The following THSD7B variants were observed in gnomAD, a reference collection of about 807,000 sequenced individuals.
THSD7B encodes thrombospondin type 1 domain containing 7B, also known as thrombospondin type-1 domain-containing protein 7B.
In THSD7B, 138 loss-of-function variants were observed where a neutral mutation model predicts 213.6. That is an observed-to-expected ratio of 0.65 (90% CI 0.56 to 0.74). The LOEUF (loss-of-function observed/expected upper bound fraction) is 0.74. THSD7B is among the 30% of genes least tolerant of loss of function. The pLI is 0.00. For missense variants in THSD7B, 1,931 were observed against 1,991.5 expected, an observed-to-expected ratio of 0.97 and a Z score of 0.58; for synonymous variants, 742 against 687.0, an observed-to-expected ratio of 1.08 and a Z score of -1.25.
intron 2 of THSD7B, among the ~76,000 whole-genome samples, chr2:137,041,320 A>G (rs1034915177): frequency 3.3e-5 from 5 of 152,204 alleles, no homozygotes; most frequent in Middle Eastern, 3.2e-3. Flanking sequence ...TGGGATGAGC[A>G]TAAGGGGTGC....
intron 12 of THSD7B, among the ~76,000 whole-genome samples, chr2:137,327,224 C>T (rs1684393503): frequency 6.6e-6 from 1 of 152,140 alleles, no homozygotes; most frequent in Non-Finnish European, 1.5e-5. Context: ...TCTGGTAAGC[C>T]TAGGCCACTG....
intron 26 of THSD7B, among the ~76,000 whole-genome samples, chr2:137,666,266 T>A (rs748947076): frequency 1.1e-4 from 16 of 152,016 alleles, no homozygotes; most frequent in Non-Finnish European, 2.1e-4. Flanking sequence ...AGGAGCATTC[T>A]CACTCAGGAA....
chr2:137,586,033 A>G (rs1681717500), intron 17 of THSD7B, among the ~76,000 whole-genome samples: 1 of 140,670 alleles, frequency 7.1e-6, no homozygotes. Context: ...TATTGGGTGC[A>G]TTATATTTAG....
At chr2:136,954,086 T>C (rs1192779119) in intron 2 of THSD7B, among the ~76,000 whole-genome samples, 2 of 152,196 alleles carry the variant, frequency 1.3e-5, no homozygotes, top group Non-Finnish European at 2.9e-5. Flanking sequence ...GCTGAGAACA[T>C]GGGCAGGATC....
At chr2:137,233,465 G>A (rs956294365) in intron 9 of THSD7B, among the ~76,000 whole-genome samples, 1 of 152,050 alleles carries the variant, frequency 6.6e-6, no homozygotes, top group African/African-American at 2.4e-5. Context: ...ACATAAAGAC[G>A]AGGTCAACAT....
chr2:137,450,539 G>C (rs540785224), intron 14 of THSD7B, among the ~76,000 whole-genome samples: 10 of 152,226 alleles, frequency 6.6e-5, no homozygotes, highest in African/African-American at 2.2e-4. Flanking sequence ...CCTAGTGAGG[G>C]GAGATGGCTC....
intron 3 of THSD7B, among the ~76,000 whole-genome samples, chr2:137,089,495 T>G (rs1343952519): frequency 6.6e-6 from 1 of 151,582 alleles, no homozygotes; most frequent in East Asian, 1.9e-4. Context: ...AGGAATGAAT[T>G]AATGGCATTC....
chr2:136,857,781 T>C (rs1683198811), intron 1 of THSD7B, among the ~76,000 whole-genome samples: 1 of 152,222 alleles, frequency 6.6e-6, no homozygotes, highest in Non-Finnish European at 1.5e-5. Flanking sequence ...AATAATTGCA[T>C]TTTTAAATAA....
At chr2:137,674,228 A>T (rs1334317874) in intron 27 of THSD7B, among the ~76,000 whole-genome samples, 5 of 152,184 alleles carry the variant, frequency 3.3e-5, no homozygotes, top group Admixed American at 3.3e-4. Context: ...GCAAATGCCC[A>T]TTAAAGGTAG....
intron 15 of THSD7B, among the ~76,000 whole-genome samples, chr2:137,516,646 T>G (rs944886590): frequency 6.6e-6 from 1 of 152,190 alleles, no homozygotes; most frequent in Non-Finnish European, 1.5e-5. Flanking sequence ...TGACTTACAG[T>G]GGCTCCAGTG....
chr2:137,570,845 C>A (rs1293677325), intron 16 of THSD7B, among the ~76,000 whole-genome samples: 1 of 152,148 alleles, frequency 6.6e-6, no homozygotes, highest in Non-Finnish European at 1.5e-5. Flanking sequence ...ATGTAGCAAG[C>A]TATCAAAAAT....
At chr2:136,840,150 G>A (rs899201946) in intron 1 of THSD7B, among the ~76,000 whole-genome samples, 2 of 152,038 alleles carry the variant, frequency 1.3e-5, no homozygotes, top group African/African-American at 2.4e-5. Flanking sequence ...AGGCTGAGGC[G>A]GGCAGATCAC....
intron 1 of THSD7B, among the ~76,000 whole-genome samples, chr2:136,837,507 T>C (rs1326250712): frequency 6.6e-6 from 1 of 152,222 alleles, no homozygotes; most frequent in Non-Finnish European, 1.5e-5. Flanking sequence ...TCATTCAGAG[T>C]GACTGCTCTG....
chr2:137,586,761 C>G (rs892727268), intron 17 of THSD7B, among the ~76,000 whole-genome samples: 2 of 152,108 alleles, frequency 1.3e-5, no homozygotes, highest in Non-Finnish European at 2.9e-5. Context: ...CTCTGGCTGC[C>G]CTTAGCATTT....
chr2:137,301,487 G>A (rs991006436), intron 12 of THSD7B, among the ~76,000 whole-genome samples: 3 of 152,008 alleles, frequency 2.0e-5, no homozygotes, highest in Admixed American at 1.3e-4. Flanking sequence ...ATATGATATC[G>A]GCATGGTGAC....
chr2:136,946,624 T>C (rs1684943082), intron 2 of THSD7B, among the ~76,000 whole-genome samples: 1 of 152,192 alleles, frequency 6.6e-6, no homozygotes, highest in African/African-American at 2.4e-5. Context: ...TTTGCTGTGC[T>C]GTGGTTGGCT....
At chr2:137,299,226 C>T (rs931621384) in intron 12 of THSD7B, among the ~76,000 whole-genome samples, 2 of 152,032 alleles carry the variant, frequency 1.3e-5, no homozygotes, top group African/African-American at 4.8e-5. Flanking sequence ...TTGCATGGAC[C>T]CTGTAACCCC....
chr2:136,958,543 G>C (rs1296560753), intron 2 of THSD7B, among the ~76,000 whole-genome samples: 1 of 152,174 alleles, frequency 6.6e-6, no homozygotes, highest in African/African-American at 2.4e-5. Context: ...TTTCACTTAA[G>C]GGATATTGAC....
chr2:137,018,721 A>G (rs1311119858), intron 2 of THSD7B, among the ~76,000 whole-genome samples: 2 of 152,194 alleles, frequency 1.3e-5, no homozygotes, highest in Non-Finnish European at 2.9e-5. Context: ...ATGGCATAGT[A>G]TTGACCATTA....
Sources: allele counts gnomAD v4.1 joint callset (sites outside exome capture counted in the v4.1 genomes callset), GRCh38; gene constraint gnomAD v4.1.1; transcripts MANE v1.5; gene names NCBI Gene and HGNC (gene_info 2026-07-23, HGNC 2026-07-21).